CTNNA3: variants seen among roughly 807,000 people sequenced by gnomAD.
CTNNA3 encodes catenin alpha-3.
A neutral mutation model predicts 95.7 loss-of-function variants in CTNNA3; 76 were observed. The observed-to-expected ratio is 0.79, with a 90% confidence interval of 0.66 to 0.96. The LOEUF (loss-of-function observed/expected upper bound fraction) is 0.96, where lower values mean the gene tolerates loss of function less well. Ranked by LOEUF, CTNNA3 falls within the 40% of genes least tolerant of loss-of-function variation. The pLI is 0.00. For missense variants in CTNNA3, 1,191 were observed against 1,089.8 expected, an observed-to-expected ratio of 1.09 and a Z score of -1.31; for synonymous variants, 431 against 374.4, an observed-to-expected ratio of 1.15 and a Z score of -1.74.
At chr10:66,127,005 A>AGTG (rs2082858089) in intron 13 of CTNNA3, among the ~76,000 whole-genome samples, 1 of 152,058 alleles carries the variant, frequency 6.6e-6, no homozygotes, top group Admixed American at 6.6e-5. Context: ...GCGGTGGCTC[A>AGTG]CACCTGTAAT....
At chr10:67,621,379 G>C (rs1435876700) in intron 2 of CTNNA3, among the ~76,000 whole-genome samples, 1 of 152,080 alleles carries the variant, frequency 6.6e-6, no homozygotes, top group Non-Finnish European at 1.5e-5. Context: ...CTCACTGGGG[G>C]CTCTCAATTG....
Position 66,954,145 on chromosome 10 carries a change from A to G in CTNNA3, c.1048-178621T>C, listed in dbSNP as rs529338894. Among the ~76,000 whole-genome samples, 7 of 152,286 alleles carry G rather than the reference A, an allele frequency of 4.6e-5. No homozygotes were observed. In the South Asian group the frequency reaches 1.2e-3, roughly 27 times the overall value. On this transcript the variant is annotated intron_variant, in intron 7 of 17. Transcript: ENST00000433211. Reference sequence around the variant, plus strand: ...AAATCCAGCCTCTTCTAAACATAAAATATTTATTTAAAATAAAGTTTCTAG... The same window carrying G: ...AAATCCAGCCTCTTCTAAACATAAAGTATTTATTTAAAATAAAGTTTCTAG...
intron 11 of CTNNA3, among the ~76,000 whole-genome samples, chr10:66,412,348 C>G (rs2093111997): frequency 6.6e-6 from 1 of 151,788 alleles, no homozygotes; most frequent in Non-Finnish European, 1.5e-5. Flanking sequence ...AATGAAGAGG[C>G]CACAAGGTTG....
intron 5 of CTNNA3, among the ~76,000 whole-genome samples, chr10:67,264,725 T>A (rs1310640128): frequency 1.3e-5 from 2 of 152,176 alleles, no homozygotes; most frequent in Non-Finnish European, 2.9e-5. Flanking sequence ...CTTCCTAGAT[T>A]CATGAAATGT....
intron 13 of CTNNA3, among the ~76,000 whole-genome samples, chr10:66,172,996 C>A (rs1473107196): frequency 6.6e-6 from 1 of 152,030 alleles, no homozygotes; most frequent in Admixed American, 6.6e-5. Context: ...CATACACTGA[C>A]CCAGTGGAGC....
chr10:66,064,284 C>T (rs1402282902), intron 15 of CTNNA3, among the ~76,000 whole-genome samples: 1 of 152,164 alleles, frequency 6.6e-6, no homozygotes, highest in African/African-American at 2.4e-5. Flanking sequence ...CACCTGGTCT[C>T]TCCCTTGACA....
chr10:66,015,344 G>C (rs966458479), intron 15 of CTNNA3, among the ~76,000 whole-genome samples: 1 of 152,032 alleles, frequency 6.6e-6, no homozygotes, highest in Non-Finnish European at 1.5e-5. Context: ...TTAAAATAGG[G>C]ATATATTCAG....
In CTNNA3 at chr10:66,964,654, T is replaced by C. The variant is rs561570978; in HGVS notation, c.1048-189130A>G. ...ACTTCGGAGGAACTGACACCTTTGA[T>C]GACCATCACAGGACTGAGTCACCAA... On this transcript the variant is annotated intron_variant, in intron 7 of 17. Transcript: ENST00000433211. Among the ~76,000 whole-genome samples, 10 of 152,286 alleles carry C rather than the reference T, an allele frequency of 6.6e-5. No homozygotes were observed. In the South Asian group the frequency reaches 1.4e-3, roughly 22 times the overall value.
chr10:67,524,902 T>C (rs1185673106), intron 4 of CTNNA3, among the ~76,000 whole-genome samples: 2 of 152,230 alleles, frequency 1.3e-5, no homozygotes, highest in East Asian at 1.9e-4. Context: ...AAGATTTTTC[T>C]AATAGGCCAC....
chr10:66,186,313 A>G (rs1189631608), intron 13 of CTNNA3, among the ~76,000 whole-genome samples: 5 of 151,490 alleles, frequency 3.3e-5, no homozygotes, highest in Non-Finnish European at 7.4e-5. Flanking sequence ...TGAGAGATAG[A>G]GAGAGAGAGA....
At position 67,606,978 on chromosome 10, in the gene CTNNA3, G is replaced by A; in HGVS notation, c.171C>T (p.Val57=). 1 of 1,614,032 alleles carries A rather than the reference G, an allele frequency of 6.2e-7. No individual in the cohort carries two copies. ...TTGCTTCCTCCACAGAAGCTAGAAG[G>A]ACACTGGCTCTTTTCGAACGTCCTT... ...RKKGRSKRAS[V]LLASVEEATW... The change falls in exon 3 of 18, where the codon GTC becomes GTT. Residue 57 remains valine (V), a synonymous_variant. Coordinates refer to ENST00000433211, the MANE Select transcript of CTNNA3 (RefSeq NM_013266.4).
intron 5 of CTNNA3, among the ~76,000 whole-genome samples, chr10:67,495,825 A>G (rs1389726089): frequency 1.3e-5 from 2 of 152,230 alleles, no homozygotes; most frequent in African/African-American, 4.8e-5. Context: ...AGGGGAAAAT[A>G]ATATTCCCAT....
At chr10:66,092,413 T>C (rs935508473) in intron 14 of CTNNA3, among the ~76,000 whole-genome samples, 3 of 151,078 alleles carry the variant, frequency 2.0e-5, no homozygotes, top group Non-Finnish European at 4.4e-5. Flanking sequence ...GCAAATGTCT[T>C]ATGATGGTTT....
At chr10:67,080,933 CAACAAAA>C (rs1857027079) in intron 7 of CTNNA3, among the ~76,000 whole-genome samples, 3 of 142,066 alleles carry the variant, frequency 2.1e-5, no homozygotes, top group South Asian at 2.2e-4. Flanking sequence ...AACAAAAAAA[CAACAAAA>C]AAAAAAAAAC....
intron 1 of CTNNA3, among the ~76,000 whole-genome samples, chr10:67,726,150 T>G (rs1176953802): frequency 9.3e-6 from 1 of 107,444 alleles, no homozygotes; most frequent in Admixed American, 1.4e-4. Context: ...ATATTATATA[T>G]TATAATATAT....
intron 15 of CTNNA3, among the ~76,000 whole-genome samples, chr10:66,007,644 T>C (rs1482863388): frequency 6.7e-6 from 1 of 149,402 alleles, no homozygotes; most frequent in Non-Finnish European, 1.5e-5. Context: ...ATTAGGTAGC[T>C]CCATCTGGAG....
chr10:66,060,768 T>G (rs1329014296), intron 15 of CTNNA3, among the ~76,000 whole-genome samples: 1 of 152,042 alleles, frequency 6.6e-6, no homozygotes, highest in African/African-American at 2.4e-5. Context: ...GAGGATAAAA[T>G]GGTCTTTGCA....
In CTNNA3 at chr10:67,420,444, T is replaced by C. The variant is rs1845708135; in HGVS notation, c.579+101398A>G. On this transcript the variant is annotated intron_variant, in intron 5 of 17. Transcript: ENST00000433211. ...ACAAGACAGATTCTCTGGGTTCAAA[T>C]CCCAGCTCTGCCTTTTCCAGCTGCA... Among the ~76,000 whole-genome samples the C allele has an allele frequency of 5.3e-5, 8 of 152,274 alleles. No individual in the cohort carries two copies. The South Asian group carries it at 1.7e-3, about 32-fold the overall frequency.
chr10:66,815,808 A>C (rs1842056130), intron 7 of CTNNA3, among the ~76,000 whole-genome samples: 1 of 152,326 alleles, frequency 6.6e-6, no homozygotes. Flanking sequence ...GAAAAGAAAA[A>C]GTGAGACAAT....
Sources: gnomAD v4.1 joint callset for allele counts (sites outside exome capture counted in the v4.1 genomes callset) on GRCh38, gnomAD v4.1.1 for gene constraint, MANE v1.5 for transcripts, NCBI Gene and HGNC (gene_info 2026-07-23, HGNC 2026-07-21) for gene names.